ENTPD1: variants seen among roughly 807,000 people sequenced by gnomAD.
ENTPD1 encodes the protein ATP diphosphohydrolase.
A neutral mutation model predicts 57.0 loss-of-function variants in ENTPD1; 33 were observed. The observed-to-expected ratio is 0.58, with a 90% CI of 0.44 to 0.77. The LOEUF is 0.77. ENTPD1 is among the 30% of genes least tolerant of loss of function. The pLI, the probability that ENTPD1 is intolerant of heterozygous loss-of-function variation, is 0.00. For missense variants in ENTPD1, 501 were observed against 603.4 expected, an observed-to-expected ratio of 0.83 and a Z score of 1.78; for synonymous variants, 202 against 218.8, an observed-to-expected ratio of 0.92 and a Z score of 0.68.
At chr10:95,723,362 T>C (rs985715446) in intron 1 of ENTPD1, among the ~76,000 whole-genome samples, 3 of 151,960 alleles carry the variant, frequency 2.0e-5, no homozygotes, top group Non-Finnish European at 2.9e-5. Flanking sequence ...TTTACAAACT[T>C]GGGGCCCTGG....
At chr10:95,799,064 A>C (rs1344312510) in intron 1 of ENTPD1, among the ~76,000 whole-genome samples, 3 of 152,226 alleles carry the variant, frequency 2.0e-5, no homozygotes, top group Admixed American at 6.5e-5. Flanking sequence ...AATGAAAAGG[A>C]TAAGAATCAT....
intron 2 of ENTPD1, among the ~76,000 whole-genome samples, chr10:95,835,386 T>C (rs1444008737): frequency 6.6e-6 from 1 of 152,224 alleles, no homozygotes; most frequent in East Asian, 1.9e-4. Context: ...TTATGAATAG[T>C]GCTGTGATAA....
At chr10:95,695,263 C>T in the ENTPD1 span, among the ~76,000 whole-genome samples, 3 of 152,086 alleles carry the variant, frequency 2.0e-5, no homozygotes, top group Admixed American at 1.3e-4. Context: ...TGAGTAGCTA[C>T]CATATTGTAC....
At chr10:95,747,130 A>G (rs1439515920) in intron 1 of ENTPD1, among the ~76,000 whole-genome samples, 1 of 152,254 alleles carries the variant, frequency 6.6e-6, no homozygotes. Context: ...AGATTTTTGA[A>G]GTATTGCGAT....
intron 1 of ENTPD1, among the ~76,000 whole-genome samples, chr10:95,799,513 TATGTACCAC>T (rs2098240009): frequency 6.6e-6 from 1 of 152,230 alleles, no homozygotes; most frequent in Non-Finnish European, 1.5e-5. Context: ...CTGTGGTGTA[TATGTACCAC>T]ATTTTCTTTA....
chr10:95,768,609 A>G (rs1307165026), intron 1 of ENTPD1, among the ~76,000 whole-genome samples: 3 of 149,348 alleles, frequency 2.0e-5, no homozygotes, highest in Admixed American at 1.3e-4. Context: ...CCTCTATATC[A>G]CTGATTCAAT....
At chr10:95,797,573 G>T (rs1004899407) in intron 1 of ENTPD1, among the ~76,000 whole-genome samples, 5 of 152,190 alleles carry the variant, frequency 3.3e-5, no homozygotes, top group African/African-American at 9.7e-5. Context: ...AAGCAGTATA[G>T]TGCCAACATC....
At chr10:95,700,994 A>T in the ENTPD1 span, among the ~76,000 whole-genome samples, 1 of 152,126 alleles carries the variant, frequency 6.6e-6, no homozygotes, top group African/African-American at 2.4e-5. Context: ...AGGTTTTGCC[A>T]TGTTGGCCAG....
chr10:95,762,634 G>A (rs1286767961), intron 1 of ENTPD1, among the ~76,000 whole-genome samples: 2 of 152,096 alleles, frequency 1.3e-5, no homozygotes, highest in African/African-American at 4.8e-5. Context: ...TATTGAGGAT[G>A]TTTCCATTTC....
chr10:95,716,282 G>A (rs2097971384), intron 1 of ENTPD1, among the ~76,000 whole-genome samples: 2 of 152,170 alleles, frequency 1.3e-5, no homozygotes, highest in South Asian at 4.1e-4. Context: ...TGGTTTACCT[G>A]TGATAAGATA....
rs149992374 is a variant in ENTPD1, at chr10:95,842,457, G to A, written c.376G>A (p.Val126Ile). ...IPRSQHQETP[V>I]YLGATAGMRL... is the part of the protein sequence containing the mutation. ...AAGGTCCCAGCACCAAGAGACACCC[G>A]TTTACCTGGGAGCCACGGCAGGCAT... The change falls in exon 4 of 10, where the codon GTT (valine) becomes ATT (isoleucine). Residue 126 changes from valine to isoleucine, a missense_variant. By Grantham distance (29) the Val-to-Ile change is conservative (BLOSUM62 3). Coordinates refer to ENST00000371205, the MANE Select transcript of ENTPD1 (RefSeq NM_001776.6). 57 of 1,613,892 alleles carry A rather than the reference G, an allele frequency of 3.5e-5. No individual in the cohort carries two copies. The South Asian group carries it at 4.4e-4, about 12-fold the overall frequency.
At chr10:95,830,033 G>A (rs562764850) in intron 2 of ENTPD1, among the ~76,000 whole-genome samples, 1 of 152,026 alleles carries the variant, frequency 6.6e-6, no homozygotes, top group Non-Finnish European at 1.5e-5. Flanking sequence ...CAGCAAGAAG[G>A]CCCTCCTGAG....
At chr10:95,707,386 T>C (rs1286270855), upstream of ENTPD1, among the ~76,000 whole-genome samples, 8 of 152,106 alleles carry the variant, frequency 5.3e-5, no homozygotes, top group Admixed American at 2.6e-4. Flanking sequence ...CCCACCCCAA[T>C]TCAGAAAGGG....
intron 1 of ENTPD1, among the ~76,000 whole-genome samples, chr10:95,766,618 G>A (rs2098089395): frequency 6.6e-6 from 1 of 151,768 alleles, no homozygotes; most frequent in South Asian, 2.1e-4. Flanking sequence ...CCTAAATTCT[G>A]TTCCCCCTTC....
intron 1 of ENTPD1, among the ~76,000 whole-genome samples, chr10:95,737,389 CT>C (rs772973448): frequency 1.4e-3 from 198 of 145,628 alleles, no homozygotes; most frequent in Middle Eastern, 3.5e-3. Context: ...AAAATTAAAA[CT>C]TTTTTTTTTT....
intron 1 of ENTPD1, among the ~76,000 whole-genome samples, chr10:95,737,177 G>A (rs780287272): frequency 4.6e-5 from 7 of 152,134 alleles, no homozygotes; most frequent in Non-Finnish European, 8.8e-5. Flanking sequence ...CTACTATTCA[G>A]TGCAGGACAA....
intron 3 of ENTPD1, 130 bp downstream of exon 3, chr10:95,839,938 T>A: frequency 2.3e-6 from 2 of 860,144 alleles, no homozygotes; most frequent in Non-Finnish European, 3.8e-6. Flanking sequence ...ACAGTGCAGC[T>A]GCTGTTGTTA....
At chr10:95,715,161 G>T (rs1218640845) in intron 1 of ENTPD1, among the ~76,000 whole-genome samples, 3 of 152,110 alleles carry the variant, frequency 2.0e-5, no homozygotes, top group Non-Finnish European at 4.4e-5. Flanking sequence ...ACTTAATCAG[G>T]AGTCATTTCA....
chr10:95,827,058 G>A (rs1457157633), intron 2 of ENTPD1, among the ~76,000 whole-genome samples: 1 of 152,142 alleles, frequency 6.6e-6, no homozygotes, highest in Non-Finnish European at 1.5e-5. Context: ...TTTTCAAAGA[G>A]CTACATTTTA....
Sources: gnomAD v4.1 joint callset for allele counts (sites outside exome capture counted in the v4.1 genomes callset) on GRCh38, gnomAD v4.1.1 for gene constraint, MANE v1.5 for transcripts, NCBI Gene and HGNC (gene_info 2026-07-23, HGNC 2026-07-21) for gene names.